ADAD1: variants seen among roughly 807,000 people sequenced by gnomAD.
ADAD1 encodes adenosine deaminase domain containing 1, also known as adenosine deaminase domain-containing protein 1.
Under a neutral mutation model 66.8 loss-of-function variants are expected in ADAD1, and 46 were observed. That is an observed-to-expected ratio of 0.69 (90% confidence interval 0.54 to 0.88). The LOEUF (loss-of-function observed/expected upper bound fraction) is 0.88, where lower values mean the gene tolerates loss of function less well. Ranked by LOEUF, ADAD1 falls within the 40% of genes least tolerant of loss-of-function variation. ADAD1 has a pLI of 0.00. For synonymous variants in ADAD1, 248 were observed against 229.4 expected (o/e 1.08, Z -0.73); for missense variants, 617 against 681.8 (o/e 0.91, Z 1.06).
intron 11 of ADAD1, among the ~76,000 whole-genome samples, chr4:122,416,401 T>G (rs550506912): frequency 6.6e-6 from 1 of 152,290 alleles, no homozygotes; most frequent in African/African-American, 2.4e-5. Flanking sequence ...ATTGCTTTCT[T>G]TGTGAAGGAG....
intron 7 of ADAD1, among the ~76,000 whole-genome samples, chr4:122,405,297 C>G (rs912576609): frequency 2.0e-5 from 3 of 152,144 alleles, no homozygotes; most frequent in East Asian, 1.9e-4. Context: ...CAAAGAAACC[C>G]TCCTTTAAAC....
At chr4:122,381,690 A>C (rs1794904621) in intron 4 of ADAD1, among the ~76,000 whole-genome samples, 1 of 152,218 alleles carries the variant, frequency 6.6e-6, no homozygotes, top group African/African-American at 2.4e-5. Context: ...TGCCTGTGAA[A>C]GGCTACACGA....
chr4:122,382,676 C>G (rs1794964092), intron 4 of ADAD1, among the ~76,000 whole-genome samples: 1 of 152,132 alleles, frequency 6.6e-6, no homozygotes, highest in South Asian at 2.1e-4. Context: ...ACCTCAGCTT[C>G]CCAAAGTGAT....
chr4:122,425,123 C>A (rs1797172135), intron 12 of ADAD1, among the ~76,000 whole-genome samples: 1 of 151,990 alleles, frequency 6.6e-6, no homozygotes, highest in Non-Finnish European at 1.5e-5. Context: ...TTTAATTCTC[C>A]TTTGTCAGTA....
At chr4:122,395,410 C>T (rs538671245) in intron 6 of ADAD1, among the ~76,000 whole-genome samples, 55 of 152,152 alleles carry the variant, frequency 3.6e-4, no homozygotes, top group African/African-American at 1.2e-3. Context: ...AGGCCGGGCG[C>T]GGTGGCTCAC....
intron 5 of ADAD1, 87 bp downstream of exon 5, chr4:122,384,053 T>G (rs535184388): frequency 1.6e-6 from 2 of 1,223,700 alleles, no homozygotes; most frequent in South Asian, 3.4e-5. Flanking sequence ...TGAGAGTTAC[T>G]TGGCAGCTAC....
At chr4:122,417,457 A>T (rs1023468492) in intron 11 of ADAD1, among the ~76,000 whole-genome samples, 2 of 152,172 alleles carry the variant, frequency 1.3e-5, no homozygotes, top group African/African-American at 4.8e-5. Context: ...TATAATTTAT[A>T]CGGAAGACAG....
intron 5 of ADAD1, among the ~76,000 whole-genome samples, chr4:122,389,989 C>G (rs767652613): frequency 1.3e-5 from 2 of 152,180 alleles, no homozygotes; most frequent in Non-Finnish European, 2.9e-5. Flanking sequence ...TTTGCAGTGG[C>G]TCTTTCCGAT....
At chr4:122,390,744 G>A (rs371847853) in intron 5 of ADAD1, among the ~76,000 whole-genome samples, 4 of 152,024 alleles carry the variant, frequency 2.6e-5, no homozygotes, top group African/African-American at 9.7e-5. Context: ...ATTCTAGTTA[G>A]CAATTCCTCT....
chr4:122,411,357 G>A lies in ADAD1; in HGVS notation c.984G>A (p.Gln328=). ...TCAACATTTGCCTTTACATGAACCA[G>A]TTGCCTAAAGGATCAGCCCAGATTA... ...QNINICLYMN[Q]LPKGSAQIKS... is the part of the protein sequence containing the mutation. The change falls in exon 9 of 13, where the codon CAG becomes CAA. Residue 328 remains glutamine (Q), a synonymous_variant. Transcript: ENST00000296513. The A allele has an allele frequency of 6.2e-7, 1 of 1,612,768 alleles. No homozygotes were observed. The highest frequency in any genetic ancestry group is 8.5e-7 in the Non-Finnish European group (1 of 1,179,530).
At chr4:122,408,270 TTTTG>T (rs1796307462) in intron 8 of ADAD1, among the ~76,000 whole-genome samples, 1 of 152,104 alleles carries the variant, frequency 6.6e-6, no homozygotes, top group Non-Finnish European at 1.5e-5. Flanking sequence ...TGAACTCAGT[TTTTG>T]TTGTTTTGTT....
chr4:122,394,816 T>C (rs1795619676), intron 6 of ADAD1, among the ~76,000 whole-genome samples: 1 of 152,220 alleles, frequency 6.6e-6, no homozygotes, highest in East Asian at 1.9e-4. Context: ...AAACAGGTGA[T>C]AATCTGTGAG....
intron 8 of ADAD1, among the ~76,000 whole-genome samples, chr4:122,410,816 A>T (rs1021770627): frequency 6.6e-6 from 1 of 152,226 alleles, no homozygotes; most frequent in South Asian, 2.1e-4. Flanking sequence ...TCATTTTTGT[A>T]GTAGTTTGTT....
intron 7 of ADAD1, among the ~76,000 whole-genome samples, chr4:122,401,984 C>T (rs971115615): frequency 1.3e-5 from 2 of 151,866 alleles, no homozygotes; most frequent in Non-Finnish European, 2.9e-5. Context: ...AGGCCATTTA[C>T]ATACAACATT....
intron 12 of ADAD1, among the ~76,000 whole-genome samples, chr4:122,428,849 TCATTAAAAAACACCAAA>T (rs780977881): frequency 1.2e-4 from 18 of 152,108 alleles, no homozygotes; most frequent in Non-Finnish European, 2.6e-4. Flanking sequence ...CTCTATGAAT[TCATTAAAAAACACCAAA>T]CAATGCACTT....
chr4:122,407,011 A>C (rs1796244035), intron 7 of ADAD1, among the ~76,000 whole-genome samples: 1 of 151,832 alleles, frequency 6.6e-6, no homozygotes, highest in African/African-American at 2.4e-5. Flanking sequence ...TTTATTCCTA[A>C]CATCTACTTT....
At chr4:122,427,554 ATGCGGAGTCT>A (rs1797303647) in intron 12 of ADAD1, among the ~76,000 whole-genome samples, 1 of 56,386 alleles carries the variant, frequency 1.8e-5, no homozygotes, top group South Asian at 5.4e-4. Flanking sequence ...TTTTTTCCTG[ATGCGGAGTCT>A]TGCTCTGTCA....
chr4:122,401,392 C>T (rs151253011), intron 7 of ADAD1, among the ~76,000 whole-genome samples: 1,645 of 152,128 alleles, frequency 0.011, 36 homozygotes, highest in African/African-American at 0.038. Context: ...CTTAAATTTA[C>T]TGAGACTTGT....
intron 11 of ADAD1, among the ~76,000 whole-genome samples, chr4:122,418,946 C>T (rs1383781221): frequency 1.3e-5 from 2 of 152,122 alleles, no homozygotes; most frequent in African/African-American, 4.8e-5. Flanking sequence ...TAAATTAGTT[C>T]AACCGTTGTG....
Sources: gnomAD v4.1 joint callset for allele counts (sites outside exome capture counted in the v4.1 genomes callset) on GRCh38, gnomAD v4.1.1 for gene constraint, MANE v1.5 for transcripts, NCBI Gene and HGNC (gene_info 2026-07-23, HGNC 2026-07-21) for gene names.